CSMD1: variants seen among roughly 807,000 people sequenced by gnomAD.
CSMD1 encodes the protein CUB and sushi domain-containing protein 1.
Under a neutral mutation model 417.5 loss-of-function variants are expected in CSMD1, and 213 were observed. The observed-to-expected ratio is 0.51, with a 90% confidence interval of 0.46 to 0.57. The LOEUF (loss-of-function observed/expected upper bound fraction) is 0.57, where lower values mean the gene tolerates loss of function less well. Among genes scored for constraint, CSMD1 ranks in the 20% least tolerant of loss-of-function variants. CSMD1 has a pLI of 0.00. For synonymous variants in CSMD1, 2,862 were observed against 1,736.8 expected (o/e 1.65, Z -16.11); for missense variants, 6,923 against 4,529.7 (o/e 1.53, Z -15.17).
intron 10 of CSMD1, among the ~76,000 whole-genome samples, chr8:3,538,116 A>G (rs1798279079): frequency 6.6e-6 from 1 of 152,222 alleles, no homozygotes. Flanking sequence ...AAGTTTATAA[A>G]CCAAACGATT....
rs540269220 is a variant in CSMD1, at chr8:3,836,750, C to CA, written c.819-82709dup. 9.0e-4 allele frequency among the ~76,000 whole-genome samples: 137 copies of CA among 151,708 alleles called. 1 individual carries two copies. The highest frequency in any genetic ancestry group is 3.4e-3 in the Middle Eastern group (1 of 294). On this transcript the variant is annotated intron_variant, in intron 5 of 69. Coordinates refer to ENST00000635120, the MANE Select transcript of CSMD1 (RefSeq NM_033225.6). The stretch of plus-strand genomic sequence containing the variant: ...TTTCAAGAGACAATGAAATTCAGGG[C>CA]AAAAAAATGTATTTTCTCACTGCAC...
intron 26 of CSMD1, among the ~76,000 whole-genome samples, chr8:3,283,343 C>A (rs923451243): frequency 3.3e-5 from 5 of 152,038 alleles, no homozygotes; most frequent in African/African-American, 1.2e-4. Context: ...GTTAGGGGAG[C>A]CCTGAAGATA....
At chr8:4,637,805 G>A (rs1802927602) in intron 1 of CSMD1, among the ~76,000 whole-genome samples, 2 of 151,528 alleles carry the variant, frequency 1.3e-5, no homozygotes, top group South Asian at 4.2e-4. Flanking sequence ...CGAGTAGGTG[G>A]GACTACAGGC....
At chr8:4,457,301 T>C (rs1467422142) in intron 2 of CSMD1, among the ~76,000 whole-genome samples, 1 of 152,184 alleles carries the variant, frequency 6.6e-6, no homozygotes, top group Non-Finnish European at 1.5e-5. Flanking sequence ...TGCATCTTTC[T>C]AAGACTACTT....
chr8:3,711,321 CGAG>C (rs1272181185), intron 6 of CSMD1, among the ~76,000 whole-genome samples: 3 of 152,090 alleles, frequency 2.0e-5, no homozygotes, highest in African/African-American at 7.2e-5. Context: ...TTGTGGAAGA[CGAG>C]GAGGTGGGCC....
At chr8:3,885,353 A>T (rs147551238) in intron 5 of CSMD1, among the ~76,000 whole-genome samples, 61 of 152,298 alleles carry the variant, frequency 4.0e-4, no homozygotes, top group African/African-American at 1.2e-3. Flanking sequence ...TTATATTGTT[A>T]AACGGTTAAA....
At chr8:4,249,729 G>C (rs1185406185) in intron 3 of CSMD1, among the ~76,000 whole-genome samples, 2 of 152,144 alleles carry the variant, frequency 1.3e-5, no homozygotes, top group African/African-American at 2.4e-5. Context: ...AGCAGAAGTA[G>C]CTCAGTACTG....
chr8:4,730,678 T>C (rs1585011594), intron 1 of CSMD1, among the ~76,000 whole-genome samples: 2 of 151,966 alleles, frequency 1.3e-5, no homozygotes, highest in Admixed American at 1.3e-4. Context: ...GAAGCGGAGC[T>C]TGCAGTGAGG....
At chr8:4,951,473 G>A (rs1223160646) in intron 1 of CSMD1, among the ~76,000 whole-genome samples, 1 of 149,328 alleles carries the variant, frequency 6.7e-6, no homozygotes, top group Non-Finnish European at 1.5e-5. Flanking sequence ...AGGAAGGAAG[G>A]AAGGAAAAGG....
chr8:4,936,629 G>T (rs1807640186), intron 1 of CSMD1, among the ~76,000 whole-genome samples: 1 of 152,056 alleles, frequency 6.6e-6, no homozygotes, highest in South Asian at 2.1e-4. Context: ...AATTACCTGG[G>T]GATGCATTTT....
intron 7 of CSMD1, among the ~76,000 whole-genome samples, chr8:3,657,847 T>C (rs1006162306): frequency 1.3e-5 from 2 of 152,146 alleles, no homozygotes; most frequent in Non-Finnish European, 2.9e-5. Context: ...AGTATAATAA[T>C]AATAAAAGAG....
At chr8:4,446,739 G>A (rs1023635090) in intron 2 of CSMD1, among the ~76,000 whole-genome samples, 1 of 122,284 alleles carries the variant, frequency 8.2e-6, no homozygotes, top group Non-Finnish European at 1.7e-5. Flanking sequence ...GTGTCTGTGT[G>A]TGTGTGTGTG....
intron 5 of CSMD1, among the ~76,000 whole-genome samples, chr8:3,841,434 A>G (rs1443727686): frequency 1.3e-5 from 2 of 152,162 alleles, no homozygotes; most frequent in African/African-American, 2.4e-5. Context: ...ACAACAAAAC[A>G]ATCTTTGACA....
chr8:3,332,748 A>T (rs1266109705), intron 23 of CSMD1, among the ~76,000 whole-genome samples: 1 of 152,200 alleles, frequency 6.6e-6, no homozygotes, highest in Non-Finnish European at 1.5e-5. Context: ...AACATTCCTA[A>T]ATAGGAAACT....
chr8:4,158,775 G>A (rs1277207849), intron 3 of CSMD1, among the ~76,000 whole-genome samples: 3 of 152,180 alleles, frequency 2.0e-5, no homozygotes, highest in Non-Finnish European at 2.9e-5. Context: ...GAACACTGAA[G>A]TGTTGGGATT....
intron 12 of CSMD1, among the ~76,000 whole-genome samples, chr8:3,443,499 C>G (rs144417521): frequency 1.3e-5 from 2 of 152,126 alleles, no homozygotes; most frequent in Admixed American, 6.6e-5. Flanking sequence ...CATATGTGTG[C>G]GTCTGTTTCT....
At chr8:3,985,916 C>G (rs1398354830) in intron 5 of CSMD1, among the ~76,000 whole-genome samples, 2 of 138,588 alleles carry the variant, frequency 1.4e-5, no homozygotes, top group East Asian at 2.1e-4. Flanking sequence ...ACATTTCAAA[C>G]CATTTTGCAT....
At chr8:4,868,987 G>A (rs1168512201) in intron 1 of CSMD1, among the ~76,000 whole-genome samples, 1 of 151,562 alleles carries the variant, frequency 6.6e-6, no homozygotes, top group Non-Finnish European at 1.5e-5. Context: ...TAGAATAGAT[G>A]ATATAAAGAT....
chr8:3,836,243 T>C (rs568614497), intron 5 of CSMD1, among the ~76,000 whole-genome samples: 2 of 152,320 alleles, frequency 1.3e-5, no homozygotes, highest in East Asian at 3.9e-4. Flanking sequence ...TAATATTTGG[T>C]TATCTGCTCT....
Sources: allele counts gnomAD v4.1 joint callset (sites outside exome capture counted in the v4.1 genomes callset), GRCh38; gene constraint gnomAD v4.1.1; transcripts MANE v1.5; gene names NCBI Gene and HGNC (gene_info 2026-07-23, HGNC 2026-07-21).